Variants in VAV1 observed in about 807,000 individuals in gnomAD.
The protein encoded by VAV1 is vav guanine nucleotide exchange factor 1.
VAV1 carries 33 observed loss-of-function variants against 128.1 expected under a neutral mutation model. The observed-to-expected ratio is 0.26, with a 90% confidence interval of 0.20 to 0.34. The LOEUF (loss-of-function observed/expected upper bound fraction) is 0.34. Ranked by LOEUF, VAV1 falls within the 10% of genes least tolerant of loss-of-function variation. The probability of loss-of-function intolerance (pLI) is 1.00; values close to 1 mark genes in which losing one functional copy is unlikely to be tolerated. For missense variants in VAV1, 715 were observed against 1,093.7 expected (o/e 0.65, Z 4.88); for synonymous variants, 394 against 409.8 (o/e 0.96, Z 0.47).
intron 1 of VAV1, among the ~76,000 whole-genome samples, chr19:6,783,173 C>T (rs1475250141): frequency 1.4e-5 from 2 of 146,522 alleles, no homozygotes; most frequent in African/African-American, 5.1e-5. Flanking sequence ...AGCGAGACTC[C>T]GTCTCAAAAA....
At chr19:6,839,269 G>C (rs936502694) in intron 21 of VAV1, among the ~76,000 whole-genome samples, 20 of 151,294 alleles carry the variant, frequency 1.3e-4, no homozygotes, top group African/African-American at 4.6e-4. Context: ...GTCCAGGCTG[G>C]TCTTGAACTC....
rs868298108 is a variant in VAV1, at chr19:6,826,686, G to A, written c.902G>A (p.Arg301Gln). The change falls in exon 9 of 27, where the codon CGG becomes CAG. Residue 301 changes from arginine (R) to glutamine (Q), a missense_variant. Arg to Gln is a conservative substitution (Grantham distance 43). Coordinates refer to ENST00000602142, the MANE Select transcript of VAV1 (RefSeq NM_005428.4). This position sits in a 1 kb window ranked among gnomAD's most constrained non-coding sequence, Gnocchi z 4.1. ...CACCTGGACCGTGTGGCCGCAGCCC[G>A]GGAGGACGTGCAGATGAAGCTGGAG... ...SKHLDRVAAA[R>Q]EDVQMKLEEC... The A allele has an allele frequency of 9.6e-6, 15 of 1,556,266 alleles. No homozygotes were observed. Among genetic ancestry groups the A allele is most frequent in the African/African-American group, 5.4e-5 (4 of 73,500 alleles).
chr19:6,803,342 G>A (rs1020925022), intron 1 of VAV1, among the ~76,000 whole-genome samples: 7 of 152,180 alleles, frequency 4.6e-5, no homozygotes, highest in Admixed American at 1.3e-4. Flanking sequence ...CTGGGTTGTC[G>A]GGTCATTGCC....
At chr19:6,808,860 T>A (rs1971454143) in intron 1 of VAV1, among the ~76,000 whole-genome samples, 1 of 152,192 alleles carries the variant, frequency 6.6e-6, no homozygotes, top group South Asian at 2.1e-4. Context: ...CATTCACATA[T>A]CTGCTGGTTG....
At chr19:6,814,728 C>CTTTCTTTCTTTT in intron 1 of VAV1, among the ~76,000 whole-genome samples, 1 of 134,874 alleles carries the variant, frequency 7.4e-6, no homozygotes, top group Non-Finnish European at 1.6e-5. Flanking sequence ...TTCTTTCTTT[C>CTTTCTTTCTTTT]TTTCCTTTTT....
At chr19:6,776,110 A>G (rs1340505777) in intron 1 of VAV1, among the ~76,000 whole-genome samples, 1 of 149,126 alleles carries the variant, frequency 6.7e-6, no homozygotes, top group Non-Finnish European at 1.5e-5. Flanking sequence ...CCATCCATCC[A>G]TCCATCCATC....
Position 6,853,533 on chromosome 19 carries a change from G to A in VAV1, c.2333-414G>A, listed in dbSNP as rs890771451. Among the ~76,000 whole-genome samples the A allele has an allele frequency of 3.3e-5, 5 of 151,764 alleles. No individual in the cohort carries two copies. The South Asian group carries it at 6.2e-4, about 19-fold the overall frequency. ...GAGGTTAGGAGTTCAAGACCAGCCT[G>A]GCCAACATGGTGAAACTCCATCTCT... On this transcript the variant is annotated intron_variant, in intron 25 of 26. Transcript: ENST00000602142.
At chr19:6,833,150 TC>T in intron 15 of VAV1, 33 bp from the exon 16 acceptor site, 2 of 1,506,944 alleles carry the variant, frequency 1.3e-6, no homozygotes, top group South Asian at 1.2e-5. Context: ...ATACTGACCT[TC>T]TTTTTTTTTT....
chr19:6,811,663 C>G lies in VAV1; in HGVS notation c.205-9039C>G, dbSNP rs780472452. 2.0e-4 allele frequency among the ~76,000 whole-genome samples: 31 copies of G among 152,216 alleles called. No homozygotes were observed. The Middle Eastern group carries it at 0.01, about 50-fold the overall frequency. ...CCAGACAGCAGTCCTTTATTCATCTCCCTGCATATAATTACTGTAAGAATC... is the reference window on the plus strand; with the variant it reads ...CCAGACAGCAGTCCTTTATTCATCTGCCTGCATATAATTACTGTAAGAATC... On this transcript the variant is annotated intron_variant, in intron 1 of 26. Coordinates refer to ENST00000602142, the MANE Select transcript of VAV1 (RefSeq NM_005428.4).
chr19:6,841,513 T>TC (rs1257319396), intron 21 of VAV1, among the ~76,000 whole-genome samples: 1 of 150,464 alleles, frequency 6.6e-6, no homozygotes, highest in African/African-American at 2.4e-5. Flanking sequence ...TTTTGCTCTG[T>TC]CCCCAGGCTG....
intron 19 of VAV1, 179 bp from the exon 20 acceptor site, chr19:6,836,253 T>C: frequency 1.3e-6 from 1 of 748,248 alleles, no homozygotes; most frequent in Non-Finnish European, 2.1e-6. Context: ...TATTGCCAAA[T>C]AGTTTTACAA....
chr19:6,853,110 C>T (rs747980456), intron 25 of VAV1, 31 bp downstream of exon 25: 2 of 1,598,226 alleles, frequency 1.3e-6, no homozygotes, highest in South Asian at 1.1e-5. Context: ...GGCTTACAGC[C>T]TCAGCCCCTT....
intron 13 of VAV1, among the ~76,000 whole-genome samples, 176 bp from the exon 14 acceptor site, chr19:6,829,610 G>A (rs1461802929): frequency 6.6e-6 from 1 of 152,138 alleles, no homozygotes; most frequent in Non-Finnish European, 1.5e-5. Flanking sequence ...AGACTGACAG[G>A]CAGTAGGGCC....
intron 26 of VAV1, among the ~76,000 whole-genome samples, chr19:6,855,214 T>C (rs1279856087): frequency 6.6e-6 from 1 of 152,214 alleles, no homozygotes. Context: ...GGTTAGAGTT[T>C]ACATTCTACT....
In VAV1 at chr19:6,777,536, T is replaced by C. The variant is rs560458002; in HGVS notation, c.204+4525T>C. On this transcript the variant is annotated intron_variant, in intron 1 of 26. Transcript: ENST00000602142. This position sits in a 1 kb window ranked among gnomAD's most constrained non-coding sequence, Gnocchi z 4.4. ...GTAAGGTGACATTGCAGCAGAGACC[T>C]GGGGAAAATTAAGGAATGAATCATG... Among the ~76,000 whole-genome samples, 160 of 152,206 alleles carry C rather than the reference T, an allele frequency of 1.1e-3. No homozygotes were observed. The highest frequency in any genetic ancestry group is 1.9e-3 in the Non-Finnish European group (127 of 68,002).
intron 1 of VAV1, chr19:6,784,139 A>G: frequency 1.9e-6 from 1 of 531,354 alleles, no homozygotes; most frequent in Non-Finnish European, 3.4e-6. Context: ...CTATAGTCTC[A>G]GCTACTCAGG....
chr19:6,804,402 G>A (rs781106679), intron 1 of VAV1, among the ~76,000 whole-genome samples: 1 of 147,540 alleles, frequency 6.8e-6, no homozygotes, highest in Admixed American at 6.7e-5. Context: ...GCAGTTTGGC[G>A]GTCCTATTTA....
At chr19:6,803,863 C>T (rs192605239) in intron 1 of VAV1, among the ~76,000 whole-genome samples, 6 of 152,172 alleles carry the variant, frequency 3.9e-5, no homozygotes, top group Admixed American at 1.3e-4. Context: ...CTGCTCCCAG[C>T]GCAGACAATG....
Position 6,828,412 on chromosome 19 carries a change from C to A in VAV1, c.1024-7C>A. The A allele has an allele frequency of 1.2e-6, 2 of 1,613,642 alleles. No individual in the cohort carries two copies. Among genetic ancestry groups the A allele is most frequent in the Non-Finnish European group, 1.7e-6 (2 of 1,180,030 alleles). On this transcript the variant is annotated splice_polypyrimidine_tract_variant and splice_region_variant and intron_variant, in intron 10 of 26. Transcript: ENST00000602142. This position sits in a 1 kb window ranked among gnomAD's most constrained non-coding sequence, Gnocchi z 4.5. ...CCAGGTGACGTCTGACGTCTTGGTT[C>A]TCTCAGGAGCTGGTGAAACACACGC...
Sources: allele counts gnomAD v4.1 joint callset (sites outside exome capture counted in the v4.1 genomes callset), GRCh38; gene constraint gnomAD v4.1.1; non-coding constraint Gnocchi (gnomAD v3.1); transcripts MANE v1.5; gene names NCBI Gene and HGNC (gene_info 2026-07-23, HGNC 2026-07-21).